DCC: variants seen among roughly 807,000 people sequenced by gnomAD.
The protein encoded by DCC is DCC netrin 1 receptor, also known as netrin receptor DCC.
Under a neutral mutation model 172.5 loss-of-function variants are expected in DCC, and 58 were observed. The observed-to-expected ratio is 0.34, with a 90% CI of 0.27 to 0.42. The LOEUF (loss-of-function observed/expected upper bound fraction) is 0.42, where lower values mean the gene tolerates loss of function less well. Ranked by LOEUF, DCC falls within the 10% of genes least tolerant of loss-of-function variation. The probability of loss-of-function intolerance (pLI) is 1.00; values close to 1 mark genes in which losing one functional copy is unlikely to be tolerated. For missense variants in DCC, 1,740 were observed against 1,791.0 expected (o/e 0.97, Z 0.51); for synonymous variants, 709 against 644.5 (o/e 1.10, Z -1.52).
chr18:52,631,806 G>C (rs2034681431), intron 1 of DCC, among the ~76,000 whole-genome samples: 1 of 152,182 alleles, frequency 6.6e-6, no homozygotes, highest in African/African-American at 2.4e-5. Context: ...TTGGCCAAAT[G>C]AAGGACTCAA....
At chr18:53,016,313 G>A (rs1383129021) in intron 5 of DCC, among the ~76,000 whole-genome samples, 1 of 151,962 alleles carries the variant, frequency 6.6e-6, no homozygotes, top group Non-Finnish European at 1.5e-5. Flanking sequence ...TTATATGATG[G>A]TTACATTCAA....
At chr18:53,111,631 GGAA>G (rs1487078001) in intron 7 of DCC, among the ~76,000 whole-genome samples, 1 of 151,278 alleles carries the variant, frequency 6.6e-6, no homozygotes, top group Non-Finnish European at 1.5e-5. Flanking sequence ...CTTTAAAAGA[GGAA>G]GAAAAAAAAT....
At chr18:53,331,585 G>A (rs2057530118) in intron 14 of DCC, among the ~76,000 whole-genome samples, 1 of 152,158 alleles carries the variant, frequency 6.6e-6, no homozygotes, top group South Asian at 2.1e-4. Flanking sequence ...TCAGGATTAG[G>A]TTATCTCAGT....
chr18:52,969,139 A>G (rs964414059), intron 5 of DCC, among the ~76,000 whole-genome samples: 6 of 152,010 alleles, frequency 3.9e-5, no homozygotes, highest in African/African-American at 1.4e-4. Context: ...CTTTTCCTGG[A>G]CAATTTAATT....
intron 7 of DCC, among the ~76,000 whole-genome samples, chr18:53,116,049 C>T (rs910066034): frequency 6.6e-6 from 1 of 151,512 alleles, no homozygotes; most frequent in African/African-American, 2.4e-5. Flanking sequence ...ATGGGTTGAA[C>T]GATCGTGACA....
intron 5 of DCC, among the ~76,000 whole-genome samples, chr18:52,939,852 C>T (rs1011672433): frequency 6.6e-6 from 1 of 152,020 alleles, no homozygotes; most frequent in Admixed American, 6.6e-5. Flanking sequence ...ACCAGGATAA[C>T]CCAAATGAGC....
intron 1 of DCC, among the ~76,000 whole-genome samples, chr18:52,678,658 G>T (rs540893168): frequency 2.0e-5 from 3 of 152,144 alleles, no homozygotes; most frequent in Non-Finnish European, 2.9e-5. Context: ...TATCATCTCT[G>T]TGTGTTTACA....
intron 3 of DCC, among the ~76,000 whole-genome samples, chr18:52,913,137 G>A (rs962053240): frequency 6.6e-6 from 1 of 152,016 alleles, no homozygotes; most frequent in African/African-American, 2.4e-5. Flanking sequence ...GGGCTAGGCA[G>A]AGCACAGGAG....
chr18:53,485,656 C>A (rs2144355795), intron 25 of DCC, among the ~76,000 whole-genome samples: 1 of 152,094 alleles, frequency 6.6e-6, no homozygotes, highest in Non-Finnish European at 1.5e-5. Context: ...AAAATAAATT[C>A]TGGTATATAA....
At chr18:53,274,058 G>A (rs1402392572) in intron 12 of DCC, among the ~76,000 whole-genome samples, 2 of 152,056 alleles carry the variant, frequency 1.3e-5, no homozygotes, top group Admixed American at 6.6e-5. Flanking sequence ...CAAATGTATT[G>A]AAAACAAAAT....
intron 7 of DCC, among the ~76,000 whole-genome samples, chr18:53,153,691 A>G (rs984750686): frequency 6.6e-6 from 1 of 152,228 alleles, no homozygotes; most frequent in African/African-American, 2.4e-5. Flanking sequence ...AAATACTTTC[A>G]GTCAGTCTTT....
chr18:52,878,454 A>C (rs1297392780), intron 2 of DCC, among the ~76,000 whole-genome samples: 4 of 152,164 alleles, frequency 2.6e-5, no homozygotes, highest in Non-Finnish European at 4.4e-5. Flanking sequence ...TACATTGTCC[A>C]AATCACCACC....
intron 1 of DCC, among the ~76,000 whole-genome samples, chr18:52,659,469 C>T (rs2035316605): frequency 6.6e-6 from 1 of 152,084 alleles, no homozygotes; most frequent in Admixed American, 6.6e-5. Flanking sequence ...TTCTCTAATG[C>T]CCTGCTTTTT....
intron 1 of DCC, among the ~76,000 whole-genome samples, chr18:52,650,095 C>T (rs1011453674): frequency 2.0e-5 from 3 of 151,126 alleles, no homozygotes; most frequent in Non-Finnish European, 4.4e-5. Flanking sequence ...TCTCCTGCCT[C>T]AGTCTCCGAA....
At chr18:53,096,436 GT>G (rs1352648926) in intron 7 of DCC, among the ~76,000 whole-genome samples, 2 of 152,146 alleles carry the variant, frequency 1.3e-5, no homozygotes, top group Non-Finnish European at 1.5e-5. Flanking sequence ...CAACTGCGTG[GT>G]CAGATCTCTA....
chr18:52,923,617 C>A, intron 3 of DCC, 90 bp from the exon 4 acceptor site: 1 of 1,040,232 alleles, frequency 9.6e-7, no homozygotes, highest in Non-Finnish European at 1.5e-6. Flanking sequence ...ATTTTTCTTT[C>A]CATCTTTTGT....
chr18:53,486,858 G>A lies in DCC; in HGVS notation c.3798G>A (p.Pro1266=), dbSNP rs762340413. ...GTGCCCAGTACCCAGGAATCCTCCC[G>A]TCTCCCACCTGTGGATATCCCCACC... ...LESAQYPGIL[P]SPTCGYPHPQ... The change falls in exon 26 of 29, where the codon CCG becomes CCA. Residue 1266 remains proline (P), a synonymous_variant. Coordinates refer to ENST00000442544, the MANE Select transcript of DCC (RefSeq NM_005215.4). 3.2e-5 allele frequency: 52 copies of A among 1,614,062 alleles called. No homozygotes were observed. Among genetic ancestry groups the A allele is most frequent in the Middle Eastern group, 3.3e-4 (2 of 6,062 alleles).
At chr18:53,171,588 C>T (rs1419163356) in intron 8 of DCC, among the ~76,000 whole-genome samples, 1 of 151,734 alleles carries the variant, frequency 6.6e-6, no homozygotes, top group African/African-American at 2.4e-5. Flanking sequence ...TAAATCTTCC[C>T]CATTATGAAA....
rs538860380 is a variant in DCC at position 53,332,104 on chromosome 18, C to T, written c.2165-7609C>T. 3.3e-5 allele frequency among the ~76,000 whole-genome samples: 5 copies of T among 152,216 alleles called. No individual in the cohort carries two copies. In the South Asian group the frequency reaches 1.0e-3, roughly 32 times the overall value. ...GAAAGATTCTCCATCCTTAGATCTA[C>T]CAGTTTAATTGGCTTAGATTTAGGA... is the stretch of plus-strand genomic sequence containing the variant. On this transcript the variant is annotated intron_variant, in intron 14 of 28. Coordinates refer to ENST00000442544, the MANE Select transcript of DCC (RefSeq NM_005215.4).
Sources: allele counts gnomAD v4.1 joint callset (sites outside exome capture counted in the v4.1 genomes callset), GRCh38; gene constraint gnomAD v4.1.1; transcripts MANE v1.5; gene names NCBI Gene and HGNC (gene_info 2026-07-23, HGNC 2026-07-21).